Variants in OPCML observed in about 807,000 individuals in gnomAD.
OPCML encodes the protein opioid-binding protein/cell adhesion molecule.
In OPCML, 13 loss-of-function variants were observed where a neutral mutation model predicts 37.8. That is an observed-to-expected ratio of 0.34 (90% CI 0.22 to 0.55). The LOEUF (loss-of-function observed/expected upper bound fraction) is 0.55, where lower values mean the gene tolerates loss of function less well. OPCML is among the 20% of genes least tolerant of loss of function. The pLI is 0.91. For synonymous variants in OPCML, 176 were observed against 168.8 expected, an observed-to-expected ratio of 1.04 and a Z score of -0.33; for missense variants, 341 against 435.6, an observed-to-expected ratio of 0.78 and a Z score of 1.93.
At chr11:133,030,987 G>A (rs10750525) in intron 1 of OPCML, among the ~76,000 whole-genome samples, 4 of 152,010 alleles carry the variant, frequency 2.6e-5, no homozygotes, top group Admixed American at 1.3e-4. Context: ...CTGTTTCTTC[G>A]TGTTCCCTTC....
At chr11:132,439,089 A>G (rs2096023058) in intron 4 of OPCML, among the ~76,000 whole-genome samples, 1 of 152,118 alleles carries the variant, frequency 6.6e-6, no homozygotes, top group East Asian at 1.9e-4. Context: ...AGTGGGAGCA[A>G]TCCATTTGCC....
chr11:132,706,731 T>C (rs967692713), intron 2 of OPCML, among the ~76,000 whole-genome samples: 2 of 152,150 alleles, frequency 1.3e-5, no homozygotes, highest in Non-Finnish European at 2.9e-5. Flanking sequence ...GGCCACTGAA[T>C]GAAGTAAGTC....
chr11:133,263,950 G>A (rs1941570619), intron 1 of OPCML, among the ~76,000 whole-genome samples: 1 of 152,178 alleles, frequency 6.6e-6, no homozygotes, highest in African/African-American at 2.4e-5. Flanking sequence ...ACAGGCTGCT[G>A]TCTAAGCTCC....
At chr11:132,800,677 G>A (rs1413572603) in intron 2 of OPCML, among the ~76,000 whole-genome samples, 1 of 152,018 alleles carries the variant, frequency 6.6e-6, no homozygotes, top group East Asian at 1.9e-4. Flanking sequence ...AATAGATTTT[G>A]TCTATTACTC....
At chr11:133,458,635 A>G (rs142502219) in intron 1 of OPCML, among the ~76,000 whole-genome samples, 9,845 of 101,094 alleles carry the variant, frequency 0.097, 1,431 homozygotes, top group Admixed American at 0.13. Flanking sequence ...GTGTGTGTGT[A>G]TATACACATA....
intron 2 of OPCML, among the ~76,000 whole-genome samples, chr11:132,889,393 C>A (rs891001000): frequency 6.6e-6 from 1 of 152,190 alleles, no homozygotes; most frequent in Non-Finnish European, 1.5e-5. Context: ...AGTGGAGAAC[C>A]TTTGCCTAGA....
intron 1 of OPCML, among the ~76,000 whole-genome samples, chr11:133,383,870 G>A (rs1041354590): frequency 7.9e-5 from 12 of 152,160 alleles, no homozygotes; most frequent in Admixed American, 2.0e-4. Context: ...GTCTACACCT[G>A]CAGTGCATGC....
chr11:132,624,943 C>T (rs2137943364), intron 3 of OPCML, among the ~76,000 whole-genome samples: 1 of 152,256 alleles, frequency 6.6e-6, no homozygotes, highest in African/African-American at 2.4e-5. Context: ...TCAAATTTAA[C>T]TGGGTATCCT....
chr11:133,229,737 T>C (rs1940195018), intron 1 of OPCML, among the ~76,000 whole-genome samples: 1 of 152,010 alleles, frequency 6.6e-6, no homozygotes, highest in African/African-American at 2.4e-5. Context: ...GGGCTTGGAG[T>C]ATATTCCCTG....
At chr11:132,955,258 A>G (rs1373495584) in intron 1 of OPCML, among the ~76,000 whole-genome samples, 1 of 152,114 alleles carries the variant, frequency 6.6e-6, no homozygotes, top group African/African-American at 2.4e-5. Flanking sequence ...AGCTCCTTCA[A>G]GGTGTTGTAC....
chr11:132,420,996 TC>T (rs1565547616), intron 7 of OPCML, among the ~76,000 whole-genome samples: 2 of 151,984 alleles, frequency 1.3e-5, no homozygotes, highest in African/African-American at 4.8e-5. Flanking sequence ...TCTCTCTCTC[TC>T]TCTCTCTGGC....
At chr11:133,074,978 C>A (rs1948599166) in intron 1 of OPCML, among the ~76,000 whole-genome samples, 1 of 152,108 alleles carries the variant, frequency 6.6e-6, no homozygotes, top group African/African-American at 2.4e-5. Flanking sequence ...CTCAGCTCAC[C>A]AGGAAGTGGC....
intron 4 of OPCML, among the ~76,000 whole-genome samples, chr11:132,518,651 T>C (rs955666810): frequency 1.3e-5 from 2 of 152,164 alleles, no homozygotes; most frequent in Admixed American, 6.5e-5. Flanking sequence ...TGTTCAAATG[T>C]CACTATCTCA....
At chr11:132,583,151 T>C (rs1416754203) in intron 3 of OPCML, among the ~76,000 whole-genome samples, 1 of 152,098 alleles carries the variant, frequency 6.6e-6, no homozygotes, top group Non-Finnish European at 1.5e-5. Flanking sequence ...CTCCTGGGCT[T>C]GAGCCATCCT....
intron 1 of OPCML, among the ~76,000 whole-genome samples, chr11:133,114,874 A>G (rs982044727): frequency 6.6e-6 from 1 of 152,170 alleles, no homozygotes; most frequent in African/African-American, 2.4e-5. Context: ...CCGAGAAAGA[A>G]TATTTTAGAT....
intron 1 of OPCML, among the ~76,000 whole-genome samples, chr11:133,011,229 C>G (rs1947206118): frequency 1.3e-5 from 2 of 152,186 alleles, no homozygotes; most frequent in Non-Finnish European, 2.9e-5. Context: ...TCTATGGAGT[C>G]TAAGTGGCAG....
In OPCML at chr11:132,766,747, T is replaced by TA. The variant is rs36094670; in HGVS notation, c.147-109429dup. Among the ~76,000 whole-genome samples, 947 of 149,758 alleles carry TA rather than the reference T, an allele frequency of 6.3e-3. 3 individuals carry two copies. Among genetic ancestry groups the TA allele is most frequent in the Non-Finnish European group, 0.01 (702 of 67,320 alleles). ...CTTGACAGAAGAAGGCTAAAACCAT[T>TA]AAAAAAAAATGACAACCAGATGCAT... On this transcript the variant is annotated intron_variant, in intron 2 of 7. Coordinates refer to ENST00000524381, the MANE Select transcript of OPCML (RefSeq NM_001012393.5).
At chr11:133,329,948 G>A (rs1040346542) in intron 1 of OPCML, among the ~76,000 whole-genome samples, 2 of 152,106 alleles carry the variant, frequency 1.3e-5, no homozygotes, top group Non-Finnish European at 2.9e-5. Flanking sequence ...ATCTGACAAA[G>A]GGCTAATATC....
At chr11:132,931,147 T>C (rs934638760) in intron 2 of OPCML, among the ~76,000 whole-genome samples, 2 of 147,832 alleles carry the variant, frequency 1.4e-5, no homozygotes, top group African/African-American at 2.5e-5. Flanking sequence ...TATTACACCA[T>C]ATACAAAAAA....
Sources: gnomAD v4.1 joint callset for allele counts (sites outside exome capture counted in the v4.1 genomes callset) on GRCh38, gnomAD v4.1.1 for gene constraint, MANE v1.5 for transcripts, NCBI Gene and HGNC (gene_info 2026-07-23, HGNC 2026-07-21) for gene names.